The following TP53I11 variants were observed in gnomAD, a reference collection of about 807,000 sequenced individuals.
The protein encoded by TP53I11 is tumor protein p53 inducible protein 11, also known as tumor protein p53-inducible protein 11.
Under a neutral mutation model 23.3 loss-of-function variants are expected in TP53I11, and 9 were observed. The ratio of observed to expected loss-of-function variants is 0.39; its 90% CI spans 0.23 to 0.67. TP53I11 has a LOEUF of 0.67. Ranked by LOEUF, TP53I11 falls within the 30% of genes least tolerant of loss-of-function variation. The pLI is 0.48. For synonymous variants in TP53I11, 100 were observed against 106.1 expected, an observed-to-expected ratio of 0.94 and a Z score of 0.35; for missense variants, 170 against 255.2, an observed-to-expected ratio of 0.67 and a Z score of 2.27.
chr11:44,934,535 C>A lies in TP53I11; in HGVS notation c.*349G>T. ...GGGCTTCCTGGCAGAAGAGGCTGGA[C>A]CCTCGACTTAGCCCACTACCCTCAT... On this transcript the variant is annotated 3_prime_UTR_variant, in exon 7 of 7. Coordinates refer to ENST00000525680, the MANE Select transcript of TP53I11 (RefSeq NM_006034.5). The A allele has an allele frequency of 4.4e-6, 1 of 227,498 alleles. No homozygotes were observed. The highest frequency in any genetic ancestry group is 9.3e-5 in the East Asian group (1 of 10,714). The allele number at this position is 227,498 out of a possible 1,614,324, so 14.1% of individuals were successfully genotyped here.
intron 1 of TP53I11, among the ~76,000 whole-genome samples, chr11:44,947,522 T>C (rs1209175136): frequency 1.3e-5 from 2 of 152,192 alleles, no homozygotes; most frequent in African/African-American, 4.8e-5. Context: ...ATGCTCCACA[T>C]TTTGAGCCCG....
At position 44,936,513 on chromosome 11, in the gene TP53I11, G is replaced by A; in HGVS notation, c.334+290C>T. The A allele has an allele frequency of 8.0e-7, 1 of 1,243,446 alleles. No homozygotes were observed. The highest frequency in any genetic ancestry group is 1.0e-6 in the Non-Finnish European group (1 of 994,402). The allele number at this position is 1,243,446 out of a possible 1,614,324, so 77.0% of individuals were successfully genotyped here. A position where few individuals can be genotyped will look rare whatever the true frequency, so the allele number is the denominator to read the frequency against. ...GTGAATTCCTAGAGGCTGGGCCTGGGCTTCCTCCATCTCTGTACCACAACG... is the reference window on the plus strand; with the variant it reads ...GTGAATTCCTAGAGGCTGGGCCTGGACTTCCTCCATCTCTGTACCACAACG... On this transcript the variant is annotated intron_variant, in intron 5 of 6. Coordinates refer to ENST00000525680, the MANE Select transcript of TP53I11 (RefSeq NM_006034.5). The surrounding 1 kb of genome is among the most constrained non-coding windows in gnomAD (Gnocchi z 4.4).
At chr11:44,951,252 G>C (rs1341494235), upstream of TP53I11, 2 of 152,650 alleles carry the variant, frequency 1.3e-5, no homozygotes, top group Non-Finnish European at 1.5e-5. Context: ...GGCCCAGGCC[G>C]GTGCCTGAAA....
intron 1 of TP53I11, among the ~76,000 whole-genome samples, chr11:44,947,708 C>T (rs1862527428): frequency 6.6e-6 from 1 of 152,148 alleles, no homozygotes; most frequent in South Asian, 2.1e-4. Flanking sequence ...ACTTAAAAGG[C>T]TTGTGCTCCA....
chr11:44,944,347 A>T (rs1162863019), intron 1 of TP53I11, among the ~76,000 whole-genome samples: 2 of 152,124 alleles, frequency 1.3e-5, no homozygotes, highest in East Asian at 3.9e-4. Context: ...GCACAGGAGG[A>T]GTTCAACAGG....
Position 44,945,266 on chromosome 11 carries a change from G to A in TP53I11, c.-32+5411C>T, listed in dbSNP as rs577291445. ...ACCTACCCCGGGGCTGGGAGGAGCG[G>A]GGCAAGTACTTCAAGACCATGAATC... On this transcript the variant is annotated intron_variant, in intron 1 of 6. Coordinates refer to ENST00000525680, the MANE Select transcript of TP53I11 (RefSeq NM_006034.5). Among the ~76,000 whole-genome samples the A allele has an allele frequency of 4.6e-5, 7 of 152,246 alleles. No individual in the cohort carries two copies. The South Asian group carries it at 6.2e-4, about 14-fold the overall frequency.
In TP53I11 at chr11:44,934,857, G is replaced by C. The variant is rs1229440225; in HGVS notation, c.*27C>G. The C allele has an allele frequency of 1.2e-6, 2 of 1,613,328 alleles. No individual in the cohort carries two copies. The highest frequency in any genetic ancestry group is 1.3e-5 in the African/African-American group (1 of 74,930). ...CCCAGCGCCACTCTGGCCCAGGCAT[G>C]GGCAGGGCCCCAGGCCCAGCGGGCA... On this transcript the variant is annotated 3_prime_UTR_variant, in exon 7 of 7. Coordinates refer to ENST00000525680, the MANE Select transcript of TP53I11 (RefSeq NM_006034.5).
intron 1 of TP53I11, among the ~76,000 whole-genome samples, chr11:44,944,695 C>G (rs1374874661): frequency 6.6e-6 from 1 of 152,188 alleles, no homozygotes; most frequent in Non-Finnish European, 1.5e-5. Context: ...CCTCTCTGAG[C>G]CTCTATGTCC....
intron 1 of TP53I11, among the ~76,000 whole-genome samples, chr11:44,947,457 G>A (rs1000172109): frequency 1.3e-5 from 2 of 152,208 alleles, no homozygotes; most frequent in African/African-American, 4.8e-5. Context: ...AACTTAGAGG[G>A]GAGAAGAGGG....
At chr11:44,950,348 T>C (rs1254289594) in intron 1 of TP53I11, 1 of 151,906 alleles carries the variant, frequency 6.6e-6, no homozygotes, top group Non-Finnish European at 1.5e-5. Context: ...GAGGACGAAA[T>C]AAGCAGTCCA....
chr11:44,942,627 C>T (rs1453385222), intron 1 of TP53I11, among the ~76,000 whole-genome samples: 1 of 152,190 alleles, frequency 6.6e-6, no homozygotes, highest in Non-Finnish European at 1.5e-5. Context: ...TCTTCATCCA[C>T]GGGCACTGCC....
Position 44,936,221 on chromosome 11 carries a change from G to C in TP53I11, c.335-559C>G. On this transcript the variant is annotated intron_variant, in intron 5 of 6. Coordinates refer to ENST00000525680, the MANE Select transcript of TP53I11 (RefSeq NM_006034.5). This position sits in a 1 kb window ranked among gnomAD's most constrained non-coding sequence, Gnocchi z 4.4. ...CTGCTGGTACCAGACATGCCACTGGGTGTGCATTTATTTTATTCCAGCAAC... is the reference window on the plus strand; with the variant it reads ...CTGCTGGTACCAGACATGCCACTGGCTGTGCATTTATTTTATTCCAGCAAC... 4 of 1,031,456 alleles carry C rather than the reference G, an allele frequency of 3.9e-6. No homozygotes were observed. Among genetic ancestry groups the C allele is most frequent in the Non-Finnish European group, 4.6e-6 (4 of 861,422 alleles). The allele number at this position is 1,031,456 out of a possible 1,614,324, so 63.9% of individuals were successfully genotyped here. A position where few individuals can be genotyped will look rare whatever the true frequency, so the allele number is the denominator to read the frequency against.
chr11:44,941,237 AG>A (rs1403156043), intron 1 of TP53I11, among the ~76,000 whole-genome samples: 3 of 152,168 alleles, frequency 2.0e-5, no homozygotes, highest in African/African-American at 2.4e-5. Flanking sequence ...TGGCCGGGGG[AG>A]GGGGCGCTGA....
intron 3 of TP53I11, 31 bp downstream of exon 3, chr11:44,937,524 C>T (rs989432919): frequency 6.2e-7 from 1 of 1,612,284 alleles, no homozygotes. Context: ...GCAGGCCTTC[C>T]CCTCCCCCAA....
In TP53I11 at chr11:44,943,594, C is replaced by G. The variant is rs909299897; in HGVS notation, c.-31-5228G>C. Among the ~76,000 whole-genome samples, 6 of 152,236 alleles carry G rather than the reference C, an allele frequency of 3.9e-5. No homozygotes were observed. In the East Asian group the frequency reaches 1.2e-3, roughly 29 times the overall value. ...CAAGTGAGAAGGTCCCTGGGACACT[C>G]TGTCCCCCCACCATGCTCCTTGTTC... On this transcript the variant is annotated intron_variant, in intron 1 of 6. Transcript: ENST00000525680.
chr11:44,947,695 A>G (rs1432379692), intron 1 of TP53I11, among the ~76,000 whole-genome samples: 2 of 152,136 alleles, frequency 1.3e-5, no homozygotes, highest in Admixed American at 6.5e-5. Flanking sequence ...GGACTAGCTC[A>G]TGACTTAAAA....
At position 44,934,787 on chromosome 11, in the gene TP53I11, G is replaced by A; in HGVS notation, c.*97C>T. 4.5e-6 allele frequency: 7 copies of A among 1,540,626 alleles called. 1 individual carries two copies. In the East Asian group the frequency reaches 9.2e-5, roughly 20 times the overall value. On this transcript the variant is annotated 3_prime_UTR_variant, in exon 7 of 7. Transcript: ENST00000525680. ...CTCCCTGGGGCAGGACTGGGGCAGG[G>A]CAGGGGACCCTCCTGCCTTCCAGGA...
chr11:44,936,331 T>G lies in TP53I11; in HGVS notation c.334+472A>C. On this transcript the variant is annotated intron_variant, in intron 5 of 6. Transcript: ENST00000525680. This position sits in a 1 kb window ranked among gnomAD's most constrained non-coding sequence, Gnocchi z 4.4. ...CGTAGAAATAGAGGCATATTACCTA[T>G]GCTGAGCTTTAAAAATTGTAATTCC... is the stretch of plus-strand genomic sequence containing the variant. 1 of 1,211,370 alleles carries G rather than the reference T, an allele frequency of 8.3e-7. No individual in the cohort carries two copies. The highest frequency in any genetic ancestry group is 1.0e-6 in the Non-Finnish European group (1 of 975,758). 75.0% of individuals were successfully genotyped at this position (1,211,370 alleles called of 1,614,324 possible). A position where few individuals can be genotyped will look rare whatever the true frequency, so the allele number is the denominator to read the frequency against.
chr11:44,947,636 C>T (rs1164690796), intron 1 of TP53I11, among the ~76,000 whole-genome samples: 1 of 152,178 alleles, frequency 6.6e-6, no homozygotes, highest in East Asian at 1.9e-4. Context: ...CAACCATAGT[C>T]CAGGACTGAG....
Sources: gnomAD v4.1 joint callset for allele counts (sites outside exome capture counted in the v4.1 genomes callset) on GRCh38, gnomAD v4.1.1 for gene constraint, Gnocchi (gnomAD v3.1) non-coding constraint, MANE v1.5 for transcripts, NCBI Gene and HGNC (gene_info 2026-07-23, HGNC 2026-07-21) for gene names.